The following RGS6 variants were observed in gnomAD, a reference collection of about 807,000 sequenced individuals.
The protein encoded by RGS6 is regulator of G-protein signaling 6.
RGS6 carries 30 observed loss-of-function variants against 78.5 expected under a neutral mutation model. That is an observed-to-expected ratio of 0.38 (90% CI 0.29 to 0.52). RGS6 has a LOEUF of 0.52. Among genes scored for constraint, RGS6 ranks in the 20% least tolerant of loss-of-function variants. The probability of loss-of-function intolerance (pLI) is 0.85; values close to 1 mark genes in which losing one functional copy is unlikely to be tolerated. For synonymous variants in RGS6, 206 were observed against 206.0 expected (o/e 1.00, Z 0.00); for missense variants, 495 against 609.7 (o/e 0.81, Z 1.98).
intron 15 of RGS6, among the ~76,000 whole-genome samples, chr14:72,531,468 T>C (rs2097182143): frequency 6.6e-6 from 1 of 151,294 alleles, no homozygotes. Flanking sequence ...CAAGTCAGTA[T>C]TTAATTTCAT....
chr14:71,928,018 TTTTG>T (rs1413205109), upstream of RGS6, among the ~76,000 whole-genome samples: 2 of 151,906 alleles, frequency 1.3e-5, no homozygotes, highest in Admixed American at 6.6e-5. Context: ...ACAGATCCAA[TTTTG>T]TTTATTTTTA....
intron 12 of RGS6, 116 bp from the exon 13 acceptor site, chr14:72,495,036 A>C (rs2153414071): frequency 5.9e-6 from 4 of 676,136 alleles, no homozygotes; most frequent in Middle Eastern, 5.0e-4. Flanking sequence ...AGCGGAAATA[A>C]ATTTTTTCCT....
intron 2 of RGS6, among the ~76,000 whole-genome samples, chr14:72,326,838 G>A (rs948932999): frequency 1.2e-4 from 19 of 152,246 alleles, no homozygotes; most frequent in East Asian, 9.7e-4. Flanking sequence ...CTGCCGAGTC[G>A]CTGGGACTAC....
At chr14:72,142,654 G>A (rs1477751390) in intron 2 of RGS6, among the ~76,000 whole-genome samples, 4 of 152,182 alleles carry the variant, frequency 2.6e-5, no homozygotes, top group Non-Finnish European at 5.9e-5. Flanking sequence ...GCAGCTCCAT[G>A]TAAACAACTA....
intron 2 of RGS6, among the ~76,000 whole-genome samples, chr14:72,015,834 T>C (rs1367166186): frequency 6.6e-6 from 1 of 152,254 alleles, no homozygotes; most frequent in Admixed American, 6.5e-5. Flanking sequence ...GTGTCTCTTC[T>C]GTACTCAGTG....
At chr14:72,058,726 A>G (rs2093743403) in intron 2 of RGS6, among the ~76,000 whole-genome samples, 1 of 152,138 alleles carries the variant, frequency 6.6e-6, no homozygotes, top group South Asian at 2.1e-4. Context: ...CCTGACTGAT[A>G]CTTTTGACTA....
At chr14:72,459,755 T>C in intron 6 of RGS6, 72 bp downstream of exon 6, 2 of 1,474,810 alleles carry the variant, frequency 1.4e-6, no homozygotes, top group Non-Finnish European at 9.5e-7. Flanking sequence ...AGAAGACAAA[T>C]GCTTGGTGTG....
intron 2 of RGS6, among the ~76,000 whole-genome samples, chr14:72,275,538 T>A (rs1349145514): frequency 2.6e-5 from 4 of 152,198 alleles, no homozygotes; most frequent in African/African-American, 9.6e-5. Context: ...TTATGTAGCA[T>A]AGGGAATCAA....
chr14:72,607,239 T>C, the RGS6 span, among the ~76,000 whole-genome samples: 5 of 152,190 alleles, frequency 3.3e-5, no homozygotes. Flanking sequence ...TATAATAAAG[T>C]GCCATAGACT....
At chr14:72,412,071 G>A (rs531127808) in intron 3 of RGS6, among the ~76,000 whole-genome samples, 5 of 152,266 alleles carry the variant, frequency 3.3e-5, no homozygotes, top group South Asian at 4.1e-4. Flanking sequence ...TCAGGATGAC[G>A]CTGGCCTCAT....
At chr14:71,907,361 T>C in the RGS6 span, among the ~76,000 whole-genome samples, 11 of 152,010 alleles carry the variant, frequency 7.2e-5, no homozygotes, top group Non-Finnish European at 1.5e-4. Context: ...TGAGTAAGAA[T>C]TAGGTAGATA....
chr14:71,904,910 CT>C, the RGS6 span, among the ~76,000 whole-genome samples: 1 of 151,446 alleles, frequency 6.6e-6, no homozygotes, highest in Admixed American at 6.6e-5. Context: ...TTTTTTTCTA[CT>C]GTGATTTAAC....
At chr14:72,170,497 T>G in intron 2 of RGS6, among the ~76,000 whole-genome samples, 1 of 152,134 alleles carries the variant, frequency 6.6e-6, no homozygotes, top group Non-Finnish European at 1.5e-5. Context: ...ATGGGTGAGG[T>G]CACTGATTTG....
chr14:71,904,891 A>G, the RGS6 span, among the ~76,000 whole-genome samples: 1 of 151,420 alleles, frequency 6.6e-6, no homozygotes, highest in African/African-American at 2.4e-5. Context: ...ACTGGACTCC[A>G]TTATCTTTTT....
At chr14:72,039,139 A>G (rs4902975) in intron 2 of RGS6, among the ~76,000 whole-genome samples, 145,662 of 152,304 alleles carry the variant, frequency 0.96, 69,702 homozygotes, top group East Asian at 0.99. Context: ...AGTAAATTAC[A>G]TATTCATCTC....
chr14:72,211,381 G>A (rs1051705402), intron 2 of RGS6, among the ~76,000 whole-genome samples: 2 of 152,194 alleles, frequency 1.3e-5, no homozygotes, highest in Non-Finnish European at 2.9e-5. Flanking sequence ...TTTTTGGGGA[G>A]TTATGCAGCT....
chr14:72,157,413 A>T (rs1434315613), intron 2 of RGS6, among the ~76,000 whole-genome samples: 7 of 152,162 alleles, frequency 4.6e-5, no homozygotes, highest in Non-Finnish European at 1.0e-4. Flanking sequence ...AACTAGGGAA[A>T]GTCTCTTGTG....
intron 13 of RGS6, among the ~76,000 whole-genome samples, chr14:72,500,664 T>TAAGG (rs985259012): frequency 3.3e-5 from 5 of 152,158 alleles, no homozygotes; most frequent in African/African-American, 1.2e-4. Flanking sequence ...GGGCAGAAGG[T>TAAGG]AAGGCCCTAA....
At chr14:72,286,374 G>C (rs568551723) in intron 2 of RGS6, among the ~76,000 whole-genome samples, 1 of 152,232 alleles carries the variant, frequency 6.6e-6, no homozygotes, top group Non-Finnish European at 1.5e-5. Flanking sequence ...CTATATGTCT[G>C]TCTTTACGCC....
Sources: allele counts gnomAD v4.1 joint callset (sites outside exome capture counted in the v4.1 genomes callset), GRCh38; gene constraint gnomAD v4.1.1; transcripts MANE v1.5; gene names NCBI Gene and HGNC (gene_info 2026-07-23, HGNC 2026-07-21).